RBM20: variants seen among roughly 807,000 people sequenced by gnomAD.
The protein encoded by RBM20 is RNA binding motif protein 20, also known as RNA-binding protein 20.
RBM20 carries 51 observed loss-of-function variants against 110.1 expected under a neutral mutation model. The observed-to-expected ratio is 0.46, with a 90% confidence interval of 0.37 to 0.59. RBM20 has a LOEUF of 0.59. Among genes scored for constraint, RBM20 ranks in the 20% least tolerant of loss-of-function variants. RBM20 has a pLI of 0.00. For synonymous variants in RBM20, 589 were observed against 618.2 expected (o/e 0.95, Z 0.70); for missense variants, 1,512 against 1,574.9 (o/e 0.96, Z 0.68).
intron 1 of RBM20, among the ~76,000 whole-genome samples, chr10:110,768,164 A>C (rs1452975389): frequency 6.6e-6 from 1 of 152,198 alleles, no homozygotes; most frequent in African/African-American, 2.4e-5. Flanking sequence ...GGTTGCAGTG[A>C]GCCGAGATGG....
intron 5 of RBM20, among the ~76,000 whole-genome samples, chr10:110,793,875 G>C (rs1012634649): frequency 6.6e-6 from 1 of 152,156 alleles, no homozygotes; most frequent in Non-Finnish European, 1.5e-5. Context: ...ATCTCAACTC[G>C]CATTTTTCAA....
intron 6 of RBM20, among the ~76,000 whole-genome samples, chr10:110,799,205 A>G (rs1335793170): frequency 6.6e-6 from 1 of 152,202 alleles, no homozygotes; most frequent in African/African-American, 2.4e-5. Flanking sequence ...CAAGTTTTAT[A>G]GGGATCAGCT....
rs117499541 is a variant in RBM20 at position 110,744,481 on chromosome 10, A to T, written c.192-36320A>T. Among the ~76,000 whole-genome samples the T allele has an allele frequency of 8.3e-4, 126 of 152,328 alleles. 2 individuals are homozygous for T. The East Asian group carries it at 0.02, about 24-fold the overall frequency. On this transcript the variant is annotated intron_variant, in intron 1 of 13. Coordinates refer to ENST00000369519, the MANE Select transcript of RBM20 (RefSeq NM_001134363.3). ...TGGAGGAAAGTTAATACCTTTGAACATTGGTTCCCAAAGTGTGGTCCTGCA... is the reference window on the plus strand; with the variant it reads ...TGGAGGAAAGTTAATACCTTTGAACTTTGGTTCCCAAAGTGTGGTCCTGCA...
At chr10:110,697,069 G>T (rs1862675623) in intron 1 of RBM20, among the ~76,000 whole-genome samples, 1 of 152,174 alleles carries the variant, frequency 6.6e-6, no homozygotes, top group Admixed American at 6.5e-5. Context: ...ATCCTGTAGA[G>T]CCAAAGATGG....
chr10:110,659,886 C>A (rs1205605211), intron 1 of RBM20, among the ~76,000 whole-genome samples: 1 of 149,260 alleles, frequency 6.7e-6, no homozygotes, highest in African/African-American at 2.5e-5. Context: ...TTTGACAGGG[C>A]CTTACTCTCA....
chr10:110,826,924 G>A (rs1844989142), intron 12 of RBM20, among the ~76,000 whole-genome samples: 1 of 152,048 alleles, frequency 6.6e-6, no homozygotes, highest in African/African-American at 2.4e-5. Context: ...GAGGAGTATT[G>A]CGTTGCATAT....
At chr10:110,658,540 C>A (rs539208032) in intron 1 of RBM20, among the ~76,000 whole-genome samples, 2 of 152,076 alleles carry the variant, frequency 1.3e-5, no homozygotes, top group African/African-American at 4.8e-5. Context: ...TCCTCTTTTT[C>A]GTTTGAATTT....
chr10:110,730,096 G>A (rs2134949629), intron 1 of RBM20, among the ~76,000 whole-genome samples: 1 of 152,324 alleles, frequency 6.6e-6, no homozygotes, highest in Non-Finnish European at 1.5e-5. Context: ...GGGATTACAG[G>A]TGTGAGCCAC....
Position 110,669,678 on chromosome 10 carries a change from T to G in RBM20, c.191+25033T>G, listed in dbSNP as rs147014189. On this transcript the variant is annotated intron_variant, in intron 1 of 13. Transcript: ENST00000369519. Reference sequence around the variant, plus strand: ...CTCAAGCGGTCCTCCAGCTTTGGCCTCCCAAAGTGTTGGGATTACAGGCAT... The same window carrying G: ...CTCAAGCGGTCCTCCAGCTTTGGCCGCCCAAAGTGTTGGGATTACAGGCAT... 4.7e-3 allele frequency among the ~76,000 whole-genome samples: 722 copies of G among 152,352 alleles called. 3 individuals carry two copies. The highest frequency in any genetic ancestry group is 7.0e-3 in the Admixed American group (107 of 15,306).
At chr10:110,817,840 G>A (rs1030508509) in intron 9 of RBM20, among the ~76,000 whole-genome samples, 3 of 152,244 alleles carry the variant, frequency 2.0e-5, no homozygotes, top group Non-Finnish European at 2.9e-5. Context: ...CAGCGTTGCC[G>A]TAGCAGAGAG....
intron 1 of RBM20, among the ~76,000 whole-genome samples, chr10:110,710,613 T>A (rs1862912147): frequency 6.6e-6 from 1 of 152,216 alleles, no homozygotes; most frequent in Non-Finnish European, 1.5e-5. Flanking sequence ...GAGAATGCAG[T>A]TTTCTTGGAG....
At chr10:110,680,823 G>T (rs548082159) in intron 1 of RBM20, among the ~76,000 whole-genome samples, 37 of 152,268 alleles carry the variant, frequency 2.4e-4, no homozygotes, top group Non-Finnish European at 4.4e-4. Flanking sequence ...TTGCTCAGCT[G>T]CTTCTTGCTG....
intron 1 of RBM20, among the ~76,000 whole-genome samples, chr10:110,662,608 A>G (rs1480666062): frequency 1.3e-5 from 2 of 152,254 alleles, no homozygotes; most frequent in Non-Finnish European, 2.9e-5. Flanking sequence ...AGTTGGCAAT[A>G]TCTAGCAAAA....
At chr10:110,657,590 C>G (rs1245909747) in intron 1 of RBM20, among the ~76,000 whole-genome samples, 1 of 152,140 alleles carries the variant, frequency 6.6e-6, no homozygotes, top group East Asian at 1.9e-4. Flanking sequence ...ATATGTTCTC[C>G]TATTTTATGG....
intron 6 of RBM20, among the ~76,000 whole-genome samples, chr10:110,797,980 C>A (rs571563978): frequency 6.6e-6 from 1 of 152,234 alleles, no homozygotes; most frequent in East Asian, 1.9e-4. Flanking sequence ...GTTGTCAACC[C>A]CCCTGAGCTA....
At chr10:110,722,041 A>AT (rs2134934164) in intron 1 of RBM20, among the ~76,000 whole-genome samples, 2 of 152,112 alleles carry the variant, frequency 1.3e-5, no homozygotes, top group South Asian at 4.2e-4. Flanking sequence ...CCTTTGATTA[A>AT]TTTTTTGGAG....
intron 1 of RBM20, among the ~76,000 whole-genome samples, chr10:110,735,013 A>G (rs1447707334): frequency 6.6e-6 from 1 of 152,112 alleles, no homozygotes; most frequent in African/African-American, 2.4e-5. Flanking sequence ...TGTATACACC[A>G]CCCATCCTAG....
intron 1 of RBM20, among the ~76,000 whole-genome samples, chr10:110,752,945 A>ATATATTTTTT (rs1433992064): frequency 9.2e-6 from 1 of 109,014 alleles, no homozygotes; most frequent in African/African-American, 3.8e-5. Context: ...ATATATATAT[A>ATATATTTTTT]TTTTTTTTTT....
At chr10:110,809,425 G>A in intron 7 of RBM20, among the ~76,000 whole-genome samples, 1 of 151,952 alleles carries the variant, frequency 6.6e-6, no homozygotes, top group East Asian at 1.9e-4. Context: ...TTTATGTAAG[G>A]GATGAATTCT....
Sources: gnomAD v4.1 joint callset for allele counts (sites outside exome capture counted in the v4.1 genomes callset) on GRCh38, gnomAD v4.1.1 for gene constraint, MANE v1.5 for transcripts, NCBI Gene and HGNC (gene_info 2026-07-23, HGNC 2026-07-21) for gene names.